CIB4: variants seen among roughly 807,000 people sequenced by gnomAD.
CIB4 encodes the protein calcium and integrin-binding family member 4.
CIB4 carries 25 observed loss-of-function variants against 25.8 expected under a neutral mutation model. The ratio of observed to expected loss-of-function variants is 0.97; its 90% confidence interval spans 0.71 to 1.35. CIB4 has a LOEUF of 1.35. CIB4 is among the 40% of genes most tolerant of loss of function. The pLI is 0.00. For synonymous variants in CIB4, 75 were observed against 81.4 expected (o/e 0.92, Z 0.42); for missense variants, 235 against 228.2 (o/e 1.03, Z -0.19).
At chr2:26,608,695 G>A (rs908814701) in intron 3 of CIB4, among the ~76,000 whole-genome samples, 4 of 152,264 alleles carry the variant, frequency 2.6e-5, no homozygotes, top group South Asian at 2.1e-4. Flanking sequence ...GGTGTGAAGC[G>A]CAGACCACAC....
At chr2:26,626,933 C>T (rs1452469769) in intron 3 of CIB4, among the ~76,000 whole-genome samples, 1 of 152,200 alleles carries the variant, frequency 6.6e-6, no homozygotes, top group Middle Eastern at 3.2e-3. Context: ...CCACCGGGTC[C>T]CTTACCCAGC....
At chr2:26,628,594 C>T (rs1669352669) in intron 3 of CIB4, among the ~76,000 whole-genome samples, 1 of 152,266 alleles carries the variant, frequency 6.6e-6, no homozygotes, top group Non-Finnish European at 1.5e-5. Context: ...GCCCAGGCAG[C>T]GCTGGCTGAA....
intron 3 of CIB4, among the ~76,000 whole-genome samples, chr2:26,618,523 C>T (rs1408206804): frequency 1.3e-5 from 2 of 152,202 alleles, no homozygotes; most frequent in Non-Finnish European, 2.9e-5. Flanking sequence ...TGGTCTTGAA[C>T]TCCTGGGCTC....
chr2:26,590,282 A>AAC (rs1217130797), intron 4 of CIB4, among the ~76,000 whole-genome samples: 4 of 151,408 alleles, frequency 2.6e-5, no homozygotes, highest in South Asian at 2.1e-4. Context: ...AAAAAAAAAA[A>AAC]AACTCACAGG....
chr2:26,612,422 T>C (rs1197034346), intron 3 of CIB4, among the ~76,000 whole-genome samples: 2 of 152,220 alleles, frequency 1.3e-5, no homozygotes, highest in Non-Finnish European at 1.5e-5. Context: ...TGGACATTTT[T>C]GTGGATTATT....
At chr2:26,615,157 T>C (rs2148213319) in intron 3 of CIB4, among the ~76,000 whole-genome samples, 1 of 152,324 alleles carries the variant, frequency 6.6e-6, no homozygotes, top group East Asian at 1.9e-4. Flanking sequence ...CTCCATGAAC[T>C]GGAGACAGTA....
chr2:26,581,842 G>A (rs1572533514), intron 6 of CIB4, among the ~76,000 whole-genome samples: 1 of 152,206 alleles, frequency 6.6e-6, no homozygotes, highest in East Asian at 1.9e-4. Context: ...CAGAAGAGGG[G>A]AGGACCCCTG....
chr2:26,640,455 G>A lies in CIB4; in HGVS notation c.89+78C>T, dbSNP rs377465995. 179 of 1,464,106 alleles carry A rather than the reference G, an allele frequency of 1.2e-4. No individual in the cohort carries two copies. The African/African-American group carries it at 2.0e-3, about 17-fold the overall frequency. 90.7% of individuals were successfully genotyped at this position (1,464,106 alleles called of 1,614,324 possible). On this transcript the variant is annotated intron_variant, in intron 2 of 6. Coordinates refer to ENST00000288861, the MANE Select transcript of CIB4 (RefSeq NM_001029881.3). ...GCAGGGACCACACTCAGGGACCAGC[G>A]TGAGGCTGTATTAGGGCAAGAATCC...
intron 3 of CIB4, 57 bp downstream of exon 3, chr2:26,629,345 ACCCATCAG>A (rs1669370624): frequency 2.2e-6 from 2 of 912,708 alleles, no homozygotes; most frequent in Non-Finnish European, 3.5e-6. Flanking sequence ...CCCTCCCAGC[ACCCATCAG>A]CCCATCAGCA....
At chr2:26,629,743 G>C (rs941739000) in intron 2 of CIB4, among the ~76,000 whole-genome samples, 1 of 152,234 alleles carries the variant, frequency 6.6e-6, no homozygotes, top group African/African-American at 2.4e-5. Context: ...GCACACCATA[G>C]AGGATGCAGA....
chr2:26,641,174 GA>G (rs773567451), intron 1 of CIB4, 86 bp downstream of exon 1: 1 of 1,150,756 alleles, frequency 8.7e-7, no homozygotes, highest in Non-Finnish European at 1.3e-6. Flanking sequence ...ACCCCTGCTA[GA>G]GCGTCAGGAA....
At chr2:26,633,266 G>A (rs537476079) in intron 2 of CIB4, among the ~76,000 whole-genome samples, 1 of 152,324 alleles carries the variant, frequency 6.6e-6, no homozygotes, top group African/African-American at 2.4e-5. Context: ...TCTGTGCCGG[G>A]TGCACTCACA....
rs149844766 is a variant in CIB4, at chr2:26,640,015, C to T, written c.89+518G>A. On this transcript the variant is annotated intron_variant, in intron 2 of 6. Coordinates refer to ENST00000288861, the MANE Select transcript of CIB4 (RefSeq NM_001029881.3). ...GTTTCTTCCCCACTGGACAGCGGTC[C>T]GCATGACAACAGGGAGCGGGGCTGC... Among the ~76,000 whole-genome samples, 572 of 151,948 alleles carry T rather than the reference C, an allele frequency of 3.8e-3. 5 individuals are homozygous for T. The highest frequency in any genetic ancestry group is 0.013 in the African/African-American group (550 of 41,434).
chr2:26,588,994 TTCTTCTTCTTC>T, intron 4 of CIB4, among the ~76,000 whole-genome samples: 2 of 8,228 alleles, frequency 2.4e-4, no homozygotes, highest in African/African-American at 7.1e-4. Context: ...CTTCTTCTTC[TTCTTCTTCTTC>T]TTCTTCTTCT....
At chr2:26,618,976 C>T (rs192205901) in intron 3 of CIB4, among the ~76,000 whole-genome samples, 176 of 152,296 alleles carry the variant, frequency 1.2e-3, no homozygotes, top group Non-Finnish European at 3.5e-4. Context: ...ATAATCTGAG[C>T]GCTGTGAAGC....
chr2:26,611,369 T>C (rs1181290286), intron 3 of CIB4, among the ~76,000 whole-genome samples: 2 of 152,220 alleles, frequency 1.3e-5, no homozygotes, highest in African/African-American at 2.4e-5. Context: ...AAAAACCACA[T>C]GCGAAGAGAC....
intron 2 of CIB4, among the ~76,000 whole-genome samples, chr2:26,630,750 TGAGGG>T (rs1343616932): frequency 6.6e-6 from 1 of 152,112 alleles, no homozygotes; most frequent in Non-Finnish European, 1.5e-5. Context: ...GAGGATTAAA[TGAGGG>T]GAGGTGTATG....
intron 3 of CIB4, among the ~76,000 whole-genome samples, chr2:26,628,327 G>T (rs888943402): frequency 5.9e-5 from 9 of 152,148 alleles, no homozygotes; most frequent in Non-Finnish European, 1.0e-4. Flanking sequence ...GCTCAGGCTA[G>T]CACTGCCTGT....
intron 3 of CIB4, among the ~76,000 whole-genome samples, chr2:26,596,350 G>T (rs1668682312): frequency 6.6e-6 from 1 of 152,224 alleles, no homozygotes; most frequent in South Asian, 2.1e-4. Flanking sequence ...TTCCCTGCAG[G>T]ATTTCCTGCC....
Sources: allele counts gnomAD v4.1 joint callset (sites outside exome capture counted in the v4.1 genomes callset), GRCh38; gene constraint gnomAD v4.1.1; transcripts MANE v1.5; gene names NCBI Gene and HGNC (gene_info 2026-07-23, HGNC 2026-07-21).